The following PLEKHA2 variants were observed in gnomAD, a reference collection of about 807,000 sequenced individuals.
PLEKHA2 encodes the protein pleckstrin homology domain-containing family A member 2.
In PLEKHA2, 28 loss-of-function variants were observed where a neutral mutation model predicts 53.2. That is an observed-to-expected ratio of 0.53 (90% CI 0.39 to 0.72). The LOEUF (loss-of-function observed/expected upper bound fraction) is 0.72. Among genes scored for constraint, PLEKHA2 ranks in the 30% least tolerant of loss-of-function variants. PLEKHA2 has a pLI of 0.00. For missense variants in PLEKHA2, 426 were observed against 537.9 expected (o/e 0.79, Z 2.06); for synonymous variants, 193 against 196.4 (o/e 0.98, Z 0.14).
chr8:38,938,936 C>T (rs1471408314), intron 3 of PLEKHA2, among the ~76,000 whole-genome samples: 4 of 149,746 alleles, frequency 2.7e-5, no homozygotes, highest in African/African-American at 9.9e-5. Context: ...CAAAGTCTTG[C>T]TCTGTCACCC....
chr8:38,934,288 G>C (rs1482986975), intron 2 of PLEKHA2, among the ~76,000 whole-genome samples: 2 of 152,054 alleles, frequency 1.3e-5, no homozygotes, highest in Non-Finnish European at 2.9e-5. Context: ...CACCACGCCT[G>C]GTCCACCAGA....
At chr8:38,910,725 T>C (rs1833942328) in intron 1 of PLEKHA2, among the ~76,000 whole-genome samples, 1 of 152,200 alleles carries the variant, frequency 6.6e-6, no homozygotes, top group Non-Finnish European at 1.5e-5. Context: ...AAATAAAGCA[T>C]GAAAATACAA....
chr8:38,933,640 G>A (rs1212425429), intron 2 of PLEKHA2, among the ~76,000 whole-genome samples: 1 of 151,920 alleles, frequency 6.6e-6, no homozygotes, highest in East Asian at 1.9e-4. Context: ...TGGGCAGCAC[G>A]GTGTCTTTGC....
rs966789612 is a variant in PLEKHA2 at position 38,972,562 on chromosome 8, A to T, written c.*2779A>T. On this transcript the variant is annotated 3_prime_UTR_variant, in exon 12 of 12. Transcript: ENST00000617275. ...CAAGCTCTAAAAGCATTCCATTCCT[A>T]AATTGTATTTCAAACTTCCTATTTT... 1 of 152,168 alleles carries T rather than the reference A, an allele frequency of 6.6e-6. No homozygotes were observed. The highest frequency in any genetic ancestry group is 2.4e-5 in the African/African-American group (1 of 41,438). The allele number at this position is 152,168 out of a possible 1,614,324, so 9.4% of individuals were successfully genotyped here. A position where few individuals can be genotyped will look rare whatever the true frequency, so the allele number is the denominator to read the frequency against.
intron 4 of PLEKHA2, among the ~76,000 whole-genome samples, chr8:38,945,022 G>T (rs1487396529): frequency 6.6e-6 from 1 of 152,106 alleles, no homozygotes; most frequent in East Asian, 1.9e-4. Context: ...ATTCTGTTAA[G>T]GGTCTCAGTT....
At chr8:38,949,035 T>A (rs1834772997) in intron 5 of PLEKHA2, among the ~76,000 whole-genome samples, 2 of 152,122 alleles carry the variant, frequency 1.3e-5, no homozygotes, top group African/African-American at 2.4e-5. Context: ...TACGCCCAGC[T>A]AATTTTTGTA....
intron 3 of PLEKHA2, among the ~76,000 whole-genome samples, chr8:38,941,703 G>T (rs1425456031): frequency 6.6e-6 from 1 of 152,152 alleles, no homozygotes; most frequent in African/African-American, 2.4e-5. Flanking sequence ...ATCCCTCCTG[G>T]GTTGAGCAGA....
At chr8:38,951,862 CTT>C (rs1450242314) in intron 6 of PLEKHA2, among the ~76,000 whole-genome samples, 1 of 151,764 alleles carries the variant, frequency 6.6e-6, no homozygotes, top group African/African-American at 2.4e-5. Context: ...CTGGGTAATT[CTT>C]TTTTTTAATT....
At chr8:38,951,559 C>T (rs991558569) in intron 6 of PLEKHA2, among the ~76,000 whole-genome samples, 14 of 143,660 alleles carry the variant, frequency 9.7e-5, no homozygotes, top group African/African-American at 3.1e-4. Context: ...CTTATTGCAG[C>T]GTCTGCCTCC....
At chr8:38,918,192 A>G in intron 2 of PLEKHA2, 122 bp downstream of exon 2, 1 of 1,296,972 alleles carries the variant, frequency 7.7e-7, no homozygotes, top group Non-Finnish European at 1.0e-6. Flanking sequence ...ATCAGCAGGG[A>G]GGGGACAACC....
chr8:38,920,348 G>A (rs1400187857), intron 2 of PLEKHA2, among the ~76,000 whole-genome samples: 1 of 151,982 alleles, frequency 6.6e-6, no homozygotes, highest in Non-Finnish European at 1.5e-5. Context: ...TAGAGACGGG[G>A]TTTCACTGTG....
intron 1 of PLEKHA2, among the ~76,000 whole-genome samples, chr8:38,902,713 G>A (rs189646590): frequency 6.6e-6 from 1 of 152,290 alleles, no homozygotes; most frequent in East Asian, 1.9e-4. Context: ...AAGAATAGAA[G>A]TTTTTGCTTT....
chr8:38,918,034 G>A lies in PLEKHA2; in HGVS notation c.105G>A (p.Gln35=). 6.2e-7 allele frequency: 1 copy of A among 1,613,426 alleles called. No individual in the cohort carries two copies. The highest frequency in any genetic ancestry group is 8.5e-7 in the Non-Finnish European group (1 of 1,179,606). ...FLRRYFILDT[Q]ANCLLWYMDN... is the part of the protein sequence containing the mutation. ...GGAGGTACTTCATTCTGGACACCCAGGCTAACTGCCTCCTCTGGTATATGG... is the reference window on the plus strand; with the variant it reads ...GGAGGTACTTCATTCTGGACACCCAAGCTAACTGCCTCCTCTGGTATATGG... Residue 35 remains glutamine, a synonymous_variant, in exon 2 of 12, where the codon CAG becomes CAA. Coordinates refer to ENST00000617275, the MANE Select transcript of PLEKHA2 (RefSeq NM_021623.2).
chr8:38,904,093 C>T (rs1833834203), intron 1 of PLEKHA2, among the ~76,000 whole-genome samples: 1 of 152,154 alleles, frequency 6.6e-6, no homozygotes, highest in Admixed American at 6.5e-5. Flanking sequence ...GGGTATTGGA[C>T]AGGCGGGGGA....
chr8:38,973,864 A>T lies in PLEKHA2; in HGVS notation c.*4081A>T. 1 of 242,480 alleles carries T rather than the reference A, an allele frequency of 4.1e-6. No homozygotes were observed. The allele number at this position is 242,480 out of a possible 1,614,324, so 15.0% of individuals were successfully genotyped here. A position where few individuals can be genotyped will look rare whatever the true frequency, so the allele number is the denominator to read the frequency against. Reference sequence around the variant, plus strand: ...ATTGGTATGTAGCAAAAATTTTCTAAAACTGTTTTGTGGCTTGTTTTGTAA... The same window carrying T: ...ATTGGTATGTAGCAAAAATTTTCTATAACTGTTTTGTGGCTTGTTTTGTAA... On this transcript the variant is annotated 3_prime_UTR_variant, in exon 12 of 12. Transcript: ENST00000617275.
intron 10 of PLEKHA2, among the ~76,000 whole-genome samples, 177 bp from the exon 11 acceptor site, chr8:38,968,415 A>C (rs1294084591): frequency 2.7e-4 from 41 of 152,214 alleles, no homozygotes; most frequent in Non-Finnish European, 2.9e-5. Flanking sequence ...GGTGTCAAAT[A>C]AGATATTGCA....
chr8:38,945,943 G>T (rs1834705886), intron 4 of PLEKHA2, among the ~76,000 whole-genome samples, 181 bp from the exon 5 acceptor site: 1 of 152,142 alleles, frequency 6.6e-6, no homozygotes, highest in Admixed American at 6.5e-5. Context: ...GAGTGAGCAG[G>T]TGTGGCCTGG....
chr8:38,930,231 TG>T (rs1834365628), intron 2 of PLEKHA2, among the ~76,000 whole-genome samples: 1 of 151,284 alleles, frequency 6.6e-6, no homozygotes, highest in South Asian at 2.1e-4. Context: ...AGATGGAGTC[TG>T]GCTCTGTCAC....
intron 4 of PLEKHA2, among the ~76,000 whole-genome samples, chr8:38,945,097 T>C (rs976977597): frequency 6.6e-6 from 1 of 152,172 alleles, no homozygotes; most frequent in Non-Finnish European, 1.5e-5. Context: ...GTGCCTCAAG[T>C]CAGGAAGTGG....
Sources: allele counts gnomAD v4.1 joint callset (sites outside exome capture counted in the v4.1 genomes callset), GRCh38; gene constraint gnomAD v4.1.1; transcripts MANE v1.5; gene names NCBI Gene and HGNC (gene_info 2026-07-23, HGNC 2026-07-21).